The following CCDC15 variants were observed in gnomAD, a reference collection of about 807,000 sequenced individuals.
The protein encoded by CCDC15 is coiled-coil domain containing 15.
CCDC15 carries 105 observed loss-of-function variants against 114.5 expected under a neutral mutation model. The observed-to-expected ratio is 0.92, with a 90% confidence interval of 0.78 to 1.08. The LOEUF (loss-of-function observed/expected upper bound fraction) is 1.08, where lower values mean the gene tolerates loss of function less well. CCDC15 is among the 50% of genes least tolerant of loss of function. The probability of loss-of-function intolerance (pLI) is 0.00; values close to 1 mark genes in which losing one functional copy is unlikely to be tolerated. For synonymous variants in CCDC15, 334 were observed against 377.8 expected (o/e 0.88, Z 1.34); for missense variants, 1,105 against 1,093.6 (o/e 1.01, Z -0.15).
At chr11:125,028,511 G>A (rs1187154416) in intron 13 of CCDC15, among the ~76,000 whole-genome samples, 2 of 151,880 alleles carry the variant, frequency 1.3e-5, no homozygotes, top group Non-Finnish European at 1.5e-5. Context: ...GGTTGGTGGT[G>A]GTGGTTTTGT....
chr11:124,972,582 A>G (rs1336802454), intron 4 of CCDC15, among the ~76,000 whole-genome samples: 2 of 152,196 alleles, frequency 1.3e-5, no homozygotes, highest in Non-Finnish European at 2.9e-5. Flanking sequence ...GCTGTAACAC[A>G]TTACCTCAAA....
In CCDC15 at chr11:124,998,678, AT is replaced by A. The variant is rs201870626; in HGVS notation, c.2215-5180del. 1.7e-3 allele frequency among the ~76,000 whole-genome samples: 232 copies of A among 137,676 alleles called. 2 individuals carry two copies. Among genetic ancestry groups the A allele is most frequent in the Non-Finnish European group, 2.8e-3 (178 of 63,202 alleles). 90.3% of individuals were successfully genotyped at this position (137,676 alleles called of 152,430 possible). A position where few individuals can be genotyped will look rare whatever the true frequency, so the allele number is the denominator to read the frequency against. ...TCCATCTATCTACACTGAAAACTCC[AT>A]TTTTTTTTGCCTCCAATAATCATAC... On this transcript the variant is annotated intron_variant, in intron 11 of 15. Transcript: ENST00000344762.
At chr11:125,039,195 C>A in intron 15 of CCDC15, 126 bp downstream of exon 15, 1 of 815,052 alleles carries the variant, frequency 1.2e-6, no homozygotes, top group Admixed American at 3.3e-5. Flanking sequence ...AAACCCTTTA[C>A]AAAATAACTA....
At chr11:125,032,486 C>G (rs557325380) in intron 13 of CCDC15, among the ~76,000 whole-genome samples, 1 of 152,328 alleles carries the variant, frequency 6.6e-6, no homozygotes, top group South Asian at 2.1e-4. Flanking sequence ...TCTCTAAGAT[C>G]CATCTGTCTT....
At position 124,998,069 on chromosome 11, in the gene CCDC15, G is replaced by A. The variant is rs199617547; in HGVS notation, c.2214+4826G>A. On this transcript the variant is annotated intron_variant, in intron 11 of 15. Transcript: ENST00000344762. ...CTTAGCCAAATTGTGTCCTACAGTT[G>A]TATGGAAGGCATAACTTCTAAGCAA... 3.3e-5 allele frequency among the ~76,000 whole-genome samples: 5 copies of A among 152,336 alleles called. No homozygotes were observed. The East Asian group carries it at 9.6e-4, about 29-fold the overall frequency.
In CCDC15 at chr11:124,988,091, T is replaced by C; in HGVS notation, c.1865T>C (p.Ile622Thr). The C allele has an allele frequency of 5.0e-6, 8 of 1,613,790 alleles. No homozygotes were observed. The highest frequency in any genetic ancestry group is 6.8e-6 in the Non-Finnish European group (8 of 1,179,830). Residue 622 changes from isoleucine (I) to threonine (T), a missense_variant, in exon 8 of 16, where the codon ATT (isoleucine) becomes ACT (threonine). Ile to Thr is a moderately conservative substitution (Grantham distance 89). Coordinates refer to ENST00000344762, the MANE Select transcript of CCDC15 (RefSeq NM_025004.3). Reference protein sequence around the residue: ...DLHVLSNDQNILPKCQDQDFL... With the variant: ...DLHVLSNDQNTLPKCQDQDFL... ...CATGTTCTCTCCAACGACCAGAATA[T>C]TCTACCCAAATGTCAGGACCAAGAT... is the stretch of plus-strand genomic sequence containing the variant.
At chr11:124,984,710 T>A (rs1368780247) in intron 6 of CCDC15, among the ~76,000 whole-genome samples, 1 of 152,124 alleles carries the variant, frequency 6.6e-6, no homozygotes, top group Admixed American at 6.5e-5. Context: ...AGCAGGTCTC[T>A]TCTCACTTGT....
At chr11:125,010,558 A>G (rs1432207443) in intron 13 of CCDC15, among the ~76,000 whole-genome samples, 1 of 151,966 alleles carries the variant, frequency 6.6e-6, no homozygotes, top group African/African-American at 2.4e-5. Flanking sequence ...ACAGGGTTTC[A>G]CCATGTGGGC....
At chr11:124,983,417 G>A (rs529127302) in intron 6 of CCDC15, among the ~76,000 whole-genome samples, 1 of 151,850 alleles carries the variant, frequency 6.6e-6, no homozygotes, top group Non-Finnish European at 1.5e-5. Flanking sequence ...GGGCTGTGTT[G>A]TTCCTTCAGT....
At chr11:125,009,566 G>A (rs1200726522) in intron 13 of CCDC15, among the ~76,000 whole-genome samples, 2 of 152,080 alleles carry the variant, frequency 1.3e-5, no homozygotes, top group African/African-American at 4.8e-5. Flanking sequence ...GGTATATTGC[G>A]TGATGCTGAA....
chr11:125,017,910 T>C (rs904632570), intron 13 of CCDC15, among the ~76,000 whole-genome samples: 1 of 152,150 alleles, frequency 6.6e-6, no homozygotes, highest in Non-Finnish European at 1.5e-5. Flanking sequence ...AATATTTTTT[T>C]ACAGCTGTAC....
At chr11:124,977,747 C>T (rs953720578) in intron 6 of CCDC15, 147 bp downstream of exon 6, 10 of 778,730 alleles carry the variant, frequency 1.3e-5, no homozygotes, top group Non-Finnish European at 1.8e-6. Context: ...TACAATTCAC[C>T]CATTTAAAGT....
intron 4 of CCDC15, among the ~76,000 whole-genome samples, chr11:124,962,305 G>T (rs181296821): frequency 6.6e-6 from 1 of 152,276 alleles, no homozygotes; most frequent in East Asian, 1.9e-4. Flanking sequence ...CAGTTTTCTC[G>T]TGTTGGTGTT....
chr11:124,976,468 G>T (rs532826216), intron 5 of CCDC15, among the ~76,000 whole-genome samples: 68 of 152,112 alleles, frequency 4.5e-4, no homozygotes, highest in African/African-American at 1.6e-3. Context: ...ATTGCCTTGT[G>T]GCTCCTCAGA....
intron 13 of CCDC15, among the ~76,000 whole-genome samples, chr11:125,023,900 T>C (rs1948678111): frequency 1.3e-5 from 2 of 152,088 alleles, no homozygotes; most frequent in Non-Finnish European, 2.9e-5. Context: ...CATGATCTCA[T>C]TTATATAAAA....
At chr11:124,966,678 G>T (rs917255941) in intron 4 of CCDC15, among the ~76,000 whole-genome samples, 11 of 152,158 alleles carry the variant, frequency 7.2e-5, no homozygotes, top group African/African-American at 2.7e-4. Context: ...ATTTGGTCCT[G>T]TCATTATAAT....
chr11:125,000,494 C>T (rs1948461255), intron 11 of CCDC15, among the ~76,000 whole-genome samples: 1 of 152,120 alleles, frequency 6.6e-6, no homozygotes, highest in Non-Finnish European at 1.5e-5. Flanking sequence ...CCAGGAGCTA[C>T]ATTTCTCAGA....
intron 13 of CCDC15, among the ~76,000 whole-genome samples, chr11:125,023,296 G>T (rs564736589): frequency 6.6e-6 from 1 of 151,876 alleles, no homozygotes; most frequent in Non-Finnish European, 1.5e-5. Context: ...AACAAACAAC[G>T]AAAGAGAAGA....
intron 13 of CCDC15, among the ~76,000 whole-genome samples, chr11:125,011,464 C>G (rs1948593019): frequency 6.6e-6 from 1 of 151,976 alleles, no homozygotes; most frequent in African/African-American, 2.4e-5. Context: ...TCTCGAACTC[C>G]TGACCTCGTG....
Sources: allele counts gnomAD v4.1 joint callset (sites outside exome capture counted in the v4.1 genomes callset), GRCh38; gene constraint gnomAD v4.1.1; transcripts MANE v1.5; gene names NCBI Gene and HGNC (gene_info 2026-07-23, HGNC 2026-07-21).